RPS6KA2: variants seen among roughly 807,000 people sequenced by gnomAD.
RPS6KA2 encodes ribosomal protein S6 kinase A2.
In RPS6KA2, 42 loss-of-function variants were observed where a neutral mutation model predicts 91.8. The observed-to-expected ratio is 0.46, with a 90% CI of 0.36 to 0.59. RPS6KA2 has a LOEUF of 0.59. RPS6KA2 is among the 20% of genes least tolerant of loss of function. RPS6KA2 has a pLI of 0.00. For synonymous variants in RPS6KA2, 414 were observed against 393.6 expected (o/e 1.05, Z -0.61); for missense variants, 798 against 978.5 (o/e 0.82, Z 2.46).
At chr6:166,430,996 C>T (rs969002165) in intron 15 of RPS6KA2, among the ~76,000 whole-genome samples, 21 of 152,150 alleles carry the variant, frequency 1.4e-4, no homozygotes, top group African/African-American at 5.1e-4. Context: ...GCCATCTCAG[C>T]TCACTGCAAC....
chr6:166,492,029 A>G (rs1196170792), intron 8 of RPS6KA2, among the ~76,000 whole-genome samples: 1 of 152,196 alleles, frequency 6.6e-6, no homozygotes, highest in Non-Finnish European at 1.5e-5. Flanking sequence ...TACTACTGAA[A>G]TGTGCACAGA....
intron 3 of RPS6KA2, among the ~76,000 whole-genome samples, chr6:166,518,720 T>C (rs909759097): frequency 1.3e-5 from 2 of 152,234 alleles, no homozygotes; most frequent in African/African-American, 2.4e-5. Context: ...AGGGCTATAT[T>C]ACTGCTGACA....
chr6:166,626,058 G>A lies in RPS6KA2; in HGVS notation c.99+863C>T, dbSNP rs1786860848. Among the ~76,000 whole-genome samples, 1 of 152,210 alleles carries A rather than the reference G, an allele frequency of 6.6e-6. No homozygotes were observed. Among genetic ancestry groups the A allele is most frequent in the African/African-American group, 2.4e-5 (1 of 41,454 alleles). ...AGCCTTGAGGCAAAGGCGGGACAGT[G>A]TCAGGCGAAATCTTTGGGTCCCAGC... is the stretch of plus-strand genomic sequence containing the variant. On this transcript the variant is annotated intron_variant, in intron 1 of 20. Coordinates refer to ENST00000265678, the MANE Select transcript of RPS6KA2 (RefSeq NM_021135.6). This position sits in a 1 kb window ranked among gnomAD's most constrained non-coding sequence, Gnocchi z 4.1.
chr6:166,625,331 A>T (rs6938310), intron 1 of RPS6KA2, among the ~76,000 whole-genome samples: 3 of 52,564 alleles, frequency 5.7e-5, no homozygotes, highest in African/African-American at 7.6e-5. Context: ...CCACCCCCCC[A>T]CCCCCCCCCC....
chr6:166,577,995 G>A (rs574816460), intron 1 of RPS6KA2, among the ~76,000 whole-genome samples: 86 of 152,212 alleles, frequency 5.7e-4, no homozygotes, highest in Non-Finnish European at 1.0e-3. Flanking sequence ...GTTTATCAGG[G>A]GTTTCCGCTT....
At position 166,411,214 on chromosome 6, in the gene RPS6KA2, C is replaced by A. The variant is rs1054590054; in HGVS notation, c.*1548G>T. The A allele has an allele frequency of 2.7e-5, 4 of 148,766 alleles. No individual in the cohort carries two copies. Among genetic ancestry groups the A allele is most frequent in the African/African-American group, 1.0e-4 (4 of 38,810 alleles). 9.2% of individuals were successfully genotyped at this position (148,766 alleles called of 1,614,324 possible). ...TTTTTCAGAACGCAGCACATTTTTT[C>A]TTTATTTTTTTTTTTTTAGTTGGGT... On this transcript the variant is annotated 3_prime_UTR_variant, in exon 21 of 21. Transcript: ENST00000265678. The surrounding 1 kb of genome is among the most constrained non-coding windows in gnomAD (Gnocchi z 4.5).
At chr6:166,538,499 A>G (rs758237844) in intron 2 of RPS6KA2, among the ~76,000 whole-genome samples, 169 bp downstream of exon 2, 4 of 152,140 alleles carry the variant, frequency 2.6e-5, no homozygotes, top group Non-Finnish European at 4.4e-5. Flanking sequence ...GCCCTGTGCC[A>G]CTGGAATTCT....
chr6:166,641,719 CAAAA>C (rs71032871), intron 2 of RPS6KA2, among the ~76,000 whole-genome samples: 13 of 28,538 alleles, frequency 4.6e-4, no homozygotes, highest in Admixed American at 1.5e-3. Context: ...GACTCTGTCA[CAAAA>C]AAAAAAAAAA....
At chr6:166,420,046 C>A in intron 17 of RPS6KA2, 88 bp from the exon 18 acceptor site, 1 of 1,266,134 alleles carries the variant, frequency 7.9e-7, no homozygotes, top group Non-Finnish European at 1.1e-6. Flanking sequence ...CCTACGCCGG[C>A]AAGCTGGGGA....
At position 166,662,827 on chromosome 6, in the gene RPS6KA2, T is replaced by C. The variant is rs9348167; in HGVS notation, c.124-124043A>G. ...GAGGACCTTTCAAAGGGGAATTCCA[T>C]TAAATGAGGCCTCGGAGTGGGTGCT... On this transcript the variant is annotated intron_variant, in intron 2 of 21. Transcript: ENST00000503859. The surrounding 1 kb of genome is among the most constrained non-coding windows in gnomAD (Gnocchi z 4.3). 0.13 allele frequency among the ~76,000 whole-genome samples: 20,230 copies of C among 152,120 alleles called. 1,400 individuals carry two copies. The highest frequency in any genetic ancestry group is 0.17 in the Middle Eastern group (51 of 294).
chr6:166,410,081 T>A lies in RPS6KA2; in HGVS notation c.*2681A>T, dbSNP rs1296436302. ...GGGCTGCCAGGGAAGGAGGACCCTA[T>A]AGGGTGGCCAGCAAGGGGCCACTGG... On this transcript the variant is annotated 3_prime_UTR_variant, in exon 21 of 21. Transcript: ENST00000265678. The A allele has an allele frequency of 1.3e-5, 2 of 150,250 alleles. No homozygotes were observed. The allele number at this position is 150,250 out of a possible 1,614,324, so 9.3% of individuals were successfully genotyped here.
At position 166,732,963 on chromosome 6, in the gene RPS6KA2, G is replaced by A. The variant is rs895782715; in HGVS notation, c.123+125237C>T. ...CTTAGAGGAAATGAGGAACCGGAGC[G>A]GCTGGGGTGCAGGGTGGGAGGCAGG... On this transcript the variant is annotated intron_variant, in intron 2 of 21. Transcript: ENST00000503859. The surrounding 1 kb of genome is among the most constrained non-coding windows in gnomAD (Gnocchi z 4.0). Among the ~76,000 whole-genome samples, 1 of 152,194 alleles carries A rather than the reference G, an allele frequency of 6.6e-6. No homozygotes were observed. Among genetic ancestry groups the A allele is most frequent in the South Asian group, 2.1e-4 (1 of 4,826 alleles).
chr6:166,419,706 T>C lies in RPS6KA2; in HGVS notation c.1820+176A>G, dbSNP rs1778656562. ...TCTTGTCCTTGTTGTTCAGTTGTCC[T>C]GAGGGGCTAAGAAAGTCTGCGAGTG... On this transcript the variant is annotated intron_variant, in intron 18 of 20. Transcript: ENST00000265678. The surrounding 1 kb of genome is among the most constrained non-coding windows in gnomAD (Gnocchi z 5.6). Among the ~76,000 whole-genome samples the C allele has an allele frequency of 6.6e-6, 1 of 152,260 alleles. No homozygotes were observed.
Position 166,726,834 on chromosome 6 carries a change from C to T in RPS6KA2, c.123+131366G>A, listed in dbSNP as rs977488348. On this transcript the variant is annotated intron_variant, in intron 2 of 21. Coordinates refer to the RPS6KA2 transcript ENST00000503859. The surrounding 1 kb of genome is among the most constrained non-coding windows in gnomAD (Gnocchi z 4.4). ...TGAAACCCCTCCACCAGGGAGGTGA[C>T]GGGTCTCAGGGAGTGTGTCTGGCGG... is the stretch of plus-strand genomic sequence containing the variant. 6.6e-6 allele frequency among the ~76,000 whole-genome samples: 1 copy of T among 152,152 alleles called. No homozygotes were observed. Among genetic ancestry groups the T allele is most frequent in the South Asian group, 2.1e-4 (1 of 4,828 alleles).
rs532701990 is a variant in RPS6KA2 at position 166,472,588 on chromosome 6, A to C, written c.908-2683T>G. Reference sequence around the variant, plus strand: ...CATGAAACAGGAGGAGGACTTTTGCACTCAGCACCTTGAAACCTGTGTCAA... The same window carrying C: ...CATGAAACAGGAGGAGGACTTTTGCCCTCAGCACCTTGAAACCTGTGTCAA... On this transcript the variant is annotated intron_variant, in intron 10 of 20. Coordinates refer to ENST00000265678, the MANE Select transcript of RPS6KA2 (RefSeq NM_021135.6). Among the ~76,000 whole-genome samples, 7 of 152,328 alleles carry C rather than the reference A, an allele frequency of 4.6e-5. No individual in the cohort carries two copies. The East Asian group carries it at 1.3e-3, about 29-fold the overall frequency.
At chr6:166,562,123 T>A (rs1307238225) in intron 1 of RPS6KA2, among the ~76,000 whole-genome samples, 2 of 152,138 alleles carry the variant, frequency 1.3e-5, no homozygotes. Flanking sequence ...GGAATTAGAC[T>A]TCCTACAGGA....
At chr6:166,550,221 C>T (rs1211631261) in intron 1 of RPS6KA2, among the ~76,000 whole-genome samples, 1 of 152,114 alleles carries the variant, frequency 6.6e-6, no homozygotes, top group Non-Finnish European at 1.5e-5. Context: ...AGTTTCTATA[C>T]AAGGACATTT....
At chr6:166,671,991 C>A (rs142922060) in intron 2 of RPS6KA2, among the ~76,000 whole-genome samples, 100 of 152,306 alleles carry the variant, frequency 6.6e-4, no homozygotes, top group African/African-American at 2.3e-3. Flanking sequence ...GTGGCCAAAC[C>A]AGGCGTGTCT....
rs571224507 is a variant in RPS6KA2, at chr6:166,508,463, C to T, written c.380-181G>A. Among the ~76,000 whole-genome samples, 14 of 65,186 alleles carry T rather than the reference C, an allele frequency of 2.1e-4. No homozygotes were observed. Among genetic ancestry groups the T allele is most frequent in the African/African-American group, 6.4e-4 (14 of 22,006 alleles). The allele number at this position is 65,186 out of a possible 152,430, so 42.8% of individuals were successfully genotyped here. A position where few individuals can be genotyped will look rare whatever the true frequency, so the allele number is the denominator to read the frequency against. On this transcript the variant is annotated intron_variant, in intron 4 of 20. Coordinates refer to ENST00000265678, the MANE Select transcript of RPS6KA2 (RefSeq NM_021135.6). This position sits in a 1 kb window ranked among gnomAD's most constrained non-coding sequence, Gnocchi z 4.3. Reference sequence around the variant, plus strand: ...AGCACCCGGCAGAGGGGGTCTGACACTGTGAGCGCTGCCCCTCTCTCACTG... The same window carrying T: ...AGCACCCGGCAGAGGGGGTCTGACATTGTGAGCGCTGCCCCTCTCTCACTG...
Sources: gnomAD v4.1 joint callset for allele counts (sites outside exome capture counted in the v4.1 genomes callset) on GRCh38, gnomAD v4.1.1 for gene constraint, Gnocchi (gnomAD v3.1) non-coding constraint, MANE v1.5 for transcripts, NCBI Gene and HGNC (gene_info 2026-07-23, HGNC 2026-07-21) for gene names.